The following RYR3 variants were observed in gnomAD, a reference collection of about 807,000 sequenced individuals.
RYR3 encodes ryanodine receptor 3, also known as brain ryanodine receptor-calcium release channel.
RYR3 carries 207 observed loss-of-function variants against 584.3 expected under a neutral mutation model. The observed-to-expected ratio is 0.35, with a 90% confidence interval of 0.32 to 0.40. The LOEUF is 0.40. Among genes scored for constraint, RYR3 ranks in the 10% least tolerant of loss-of-function variants. The pLI, the probability that RYR3 is intolerant of heterozygous loss-of-function variation, is 1.00. For synonymous variants in RYR3, 2,416 were observed against 2,248.5 expected (o/e 1.07, Z -2.11); for missense variants, 5,616 against 6,089.2 (o/e 0.92, Z 2.59).
rs116612530 is a variant in RYR3 at position 33,800,959 on chromosome 15, T to A, written c.9918+102T>A. The A allele has an allele frequency of 1.0e-3, 875 of 873,406 alleles. 5 individuals carry two copies. In the African/African-American group the frequency reaches 0.013, roughly 13 times the overall value. 54.1% of individuals were successfully genotyped at this position (873,406 alleles called of 1,614,324 possible). On this transcript the variant is annotated intron_variant, in intron 68 of 103. Transcript: ENST00000634891. The stretch of plus-strand genomic sequence containing the variant: ...GCCAACAGTAAAATATTCGAAGAAA[T>A]GTATTCTGAGCCACATGTGAGGACC...
rs1233491981 is a variant in RYR3, at chr15:33,336,464, G to A, written c.51+25368G>A. 2.6e-3 allele frequency among the ~76,000 whole-genome samples: 45 copies of A among 17,166 alleles called. 11 individuals carry two copies. The African/African-American group carries it at 0.028, about 11-fold the overall frequency. The allele number at this position is 17,166 out of a possible 152,430, so 11.3% of individuals were successfully genotyped here. The stretch of plus-strand genomic sequence containing the variant: ...AAAGAGAGAGAGAGAGAGAGAGAGA[G>A]AGAGAGAGAGAGAGAGAGAGAGAAA... On this transcript the variant is annotated intron_variant, in intron 1 of 103. Coordinates refer to ENST00000634891, the MANE Select transcript of RYR3 (RefSeq NM_001036.6).
intron 3 of RYR3, among the ~76,000 whole-genome samples, chr15:33,524,113 C>T (rs2054218282): frequency 6.6e-6 from 1 of 152,104 alleles, no homozygotes; most frequent in Non-Finnish European, 1.5e-5. Flanking sequence ...TGTTGCACTA[C>T]CCCCCTACAC....
chr15:33,586,723 A>G (rs2132207), intron 16 of RYR3, among the ~76,000 whole-genome samples: 25,822 of 152,068 alleles, frequency 0.17, 3,031 homozygotes, highest in East Asian at 0.64. Flanking sequence ...GGAATGCTAT[A>G]TCATTTTTTT....
intron 85 of RYR3, among the ~76,000 whole-genome samples, chr15:33,828,010 G>T (rs1445397609): frequency 6.6e-6 from 1 of 152,226 alleles, no homozygotes; most frequent in Middle Eastern, 3.2e-3. Context: ...CATCAAGCAA[G>T]TCTATCTGTG....
chr15:33,683,632 TTGAACAGTGCGTGCAGCCCATGGAGGG>T, intron 38 of RYR3, among the ~76,000 whole-genome samples: 1 of 152,160 alleles, frequency 6.6e-6, no homozygotes, highest in East Asian at 1.9e-4. Context: ...CTGGGACTGG[TTGAACAGTGCGTGCAGCCCATGGAGGG>T]TGAGCCAAAG....
At chr15:33,753,864 A>G (rs114311431) in intron 57 of RYR3, among the ~76,000 whole-genome samples, 31 of 152,342 alleles carry the variant, frequency 2.0e-4, no homozygotes, top group African/African-American at 7.2e-4. Flanking sequence ...GCTCACAGCA[A>G]TGAAAAATTC....
intron 2 of RYR3, among the ~76,000 whole-genome samples, chr15:33,487,916 G>A (rs1286901634): frequency 1.3e-5 from 2 of 152,064 alleles, no homozygotes; most frequent in Non-Finnish European, 2.9e-5. Flanking sequence ...TGCTCCTCAC[G>A]TTCTGCTATT....
intron 1 of RYR3, among the ~76,000 whole-genome samples, chr15:33,385,974 G>C (rs538264280): frequency 6.6e-6 from 1 of 151,978 alleles, no homozygotes; most frequent in Admixed American, 6.5e-5. Flanking sequence ...TGTCTTGACT[G>C]GGATAACAGA....
At chr15:33,734,699 T>C (rs1004635911) in intron 48 of RYR3, among the ~76,000 whole-genome samples, 4 of 146,102 alleles carry the variant, frequency 2.7e-5, no homozygotes, top group East Asian at 2.0e-4. Flanking sequence ...TTTTTTTTTT[T>C]TTTTTTTTGA....
At chr15:33,349,660 T>C (rs1473826963) in intron 1 of RYR3, among the ~76,000 whole-genome samples, 2 of 151,102 alleles carry the variant, frequency 1.3e-5, no homozygotes, top group Admixed American at 6.6e-5. Flanking sequence ...TCGTTACATA[T>C]GTATACATGT....
intron 32 of RYR3, among the ~76,000 whole-genome samples, chr15:33,653,782 G>A (rs1400101674): frequency 3.9e-5 from 6 of 152,076 alleles, no homozygotes; most frequent in Admixed American, 3.3e-4. Context: ...AGGTTTACCT[G>A]TCATTAACCA....
intron 1 of RYR3, among the ~76,000 whole-genome samples, chr15:33,317,882 CCTT>C (rs1242671101): frequency 6.6e-6 from 1 of 152,116 alleles, no homozygotes; most frequent in Non-Finnish European, 1.5e-5. Flanking sequence ...GACACCAGGG[CCTT>C]CTTTTTTCAC....
chr15:33,368,338 C>CTTTTTTTTTTT lies in RYR3; in HGVS notation c.51+57257_51+57267dup, dbSNP rs35491164. On this transcript the variant is annotated intron_variant, in intron 1 of 103. Transcript: ENST00000634891. The stretch of plus-strand genomic sequence containing the variant: ...TGTTTCTTCATTGTAGCCTTCCTGT[C>CTTTTTTTTTTT]TTTTTTTTTTTTTTTTTTTTTTTTT... 1.4e-4 allele frequency among the ~76,000 whole-genome samples: 12 copies of CTTTTTTTTTTT among 85,824 alleles called. 1 individual carries two copies. Among genetic ancestry groups the CTTTTTTTTTTT allele is most frequent in the African/African-American group, 4.4e-4 (9 of 20,250 alleles). The allele number at this position is 85,824 out of a possible 152,430, so 56.3% of individuals were successfully genotyped here.
In RYR3 at chr15:33,324,186, T is replaced by C. The variant is rs143268469; in HGVS notation, c.51+13090T>C. On this transcript the variant is annotated intron_variant, in intron 1 of 103. Coordinates refer to ENST00000634891, the MANE Select transcript of RYR3 (RefSeq NM_001036.6). ...TGGGGGTGGGAGGAGTGAATTTAGA[T>C]GTTACTATACATCCTCTTGGATTAT... Among the ~76,000 whole-genome samples, 1,445 of 152,276 alleles carry C rather than the reference T, an allele frequency of 9.5e-3. 23 individuals are homozygous for C. Among genetic ancestry groups the C allele is most frequent in the African/African-American group, 0.033 (1,356 of 41,564 alleles).
At chr15:33,771,454 A>C (rs1183456067) in intron 62 of RYR3, among the ~76,000 whole-genome samples, 1 of 152,030 alleles carries the variant, frequency 6.6e-6, no homozygotes, top group Non-Finnish European at 1.5e-5. Flanking sequence ...GAATTGCTGT[A>C]ACCTGGGAGG....
At chr15:33,547,354 A>G (rs1427787804) in intron 8 of RYR3, among the ~76,000 whole-genome samples, 1 of 152,172 alleles carries the variant, frequency 6.6e-6, no homozygotes, top group Non-Finnish European at 1.5e-5. Context: ...ACTGGAAAAA[A>G]GTTTGCAGGA....
At chr15:33,449,859 G>A (rs1167539548) in intron 1 of RYR3, among the ~76,000 whole-genome samples, 1 of 152,072 alleles carries the variant, frequency 6.6e-6, no homozygotes, top group Non-Finnish European at 1.5e-5. Context: ...GAAGCATAAA[G>A]ATCCCCCAAA....
chr15:33,414,978 A>ATAT (rs2043693305), intron 1 of RYR3, among the ~76,000 whole-genome samples: 1 of 152,154 alleles, frequency 6.6e-6, no homozygotes, highest in South Asian at 2.1e-4. Flanking sequence ...GCACCCCCTC[A>ATAT]AATATGTCAA....
intron 2 of RYR3, among the ~76,000 whole-genome samples, chr15:33,500,620 G>T (rs2051890219): frequency 6.6e-6 from 1 of 152,182 alleles, no homozygotes; most frequent in Non-Finnish European, 1.5e-5. Context: ...TTTCAGAACA[G>T]ATGTCAACAG....
Sources: allele counts gnomAD v4.1 joint callset (sites outside exome capture counted in the v4.1 genomes callset), GRCh38; gene constraint gnomAD v4.1.1; transcripts MANE v1.5; gene names NCBI Gene and HGNC (gene_info 2026-07-23, HGNC 2026-07-21).